The following SNTG1 variants were observed in gnomAD, a reference collection of about 807,000 sequenced individuals.
SNTG1 encodes the protein gamma-1-syntrophin.
SNTG1 carries 39 observed loss-of-function variants against 74.7 expected under a neutral mutation model. The ratio of observed to expected loss-of-function variants is 0.52; its 90% CI spans 0.40 to 0.68. SNTG1 has a LOEUF of 0.68. Among genes scored for constraint, SNTG1 ranks in the 30% least tolerant of loss-of-function variants. The pLI, the probability that SNTG1 is intolerant of heterozygous loss-of-function variation, is 0.00. For missense variants in SNTG1, 685 were observed against 609.5 expected, an observed-to-expected ratio of 1.12 and a Z score of -1.30; for synonymous variants, 254 against 217.1, an observed-to-expected ratio of 1.17 and a Z score of -1.49.
At chr8:50,421,693 T>A (rs2093089787) in intron 4 of SNTG1, among the ~76,000 whole-genome samples, 1 of 152,104 alleles carries the variant, frequency 6.6e-6, no homozygotes, top group Non-Finnish European at 1.5e-5. Context: ...ACACCAATAG[T>A]CAGTGTGAGG....
chr8:50,557,277 A>G (rs928460719), intron 12 of SNTG1, among the ~76,000 whole-genome samples: 3 of 151,976 alleles, frequency 2.0e-5, no homozygotes, highest in Non-Finnish European at 2.9e-5. Context: ...TGGACTCCTG[A>G]CATACAGAGA....
At chr8:50,441,166 G>A (rs73581402) in intron 5 of SNTG1, among the ~76,000 whole-genome samples, 4,232 of 152,172 alleles carry the variant, frequency 0.028, 187 homozygotes, top group African/African-American at 0.096. Flanking sequence ...ATATGTCTCA[G>A]CGGCTGTGGG....
At chr8:50,597,730 T>G (rs559750076) in intron 13 of SNTG1, among the ~76,000 whole-genome samples, 5 of 152,068 alleles carry the variant, frequency 3.3e-5, no homozygotes, top group African/African-American at 1.2e-4. Context: ...ATTTTTTTTG[T>G]CTTGTTTTTT....
At chr8:50,448,860 C>A (rs998740206) in intron 5 of SNTG1, among the ~76,000 whole-genome samples, 1 of 150,330 alleles carries the variant, frequency 6.7e-6, no homozygotes, top group African/African-American at 2.4e-5. Context: ...TGGTGAAACC[C>A]CGTCTCTACT....
intron 1 of SNTG1, among the ~76,000 whole-genome samples, chr8:49,945,596 G>T (rs554553877): frequency 6.6e-6 from 1 of 152,262 alleles, no homozygotes; most frequent in South Asian, 2.1e-4. Flanking sequence ...GCTGATCTAT[G>T]CAGGACTCAG....
At chr8:50,138,392 T>G (rs985417261) in intron 1 of SNTG1, among the ~76,000 whole-genome samples, 3 of 151,814 alleles carry the variant, frequency 2.0e-5, no homozygotes, top group African/African-American at 7.3e-5. Context: ...CCGAGGTGGG[T>G]GGGTCAACCG....
chr8:50,176,781 A>T (rs1231506887), intron 2 of SNTG1, among the ~76,000 whole-genome samples: 2 of 152,208 alleles, frequency 1.3e-5, no homozygotes, highest in Non-Finnish European at 2.9e-5. Flanking sequence ...GTTCATTTCA[A>T]AGACTCTCTT....
chr8:50,686,853 G>A lies in SNTG1; in HGVS notation c.1039-17747G>A, dbSNP rs913367986. 5.9e-5 allele frequency among the ~76,000 whole-genome samples: 9 copies of A among 152,040 alleles called. No homozygotes were observed. The East Asian group carries it at 1.7e-3, about 29-fold the overall frequency. ...ATGACCTGCACAAAATAAACATGAAGGGCCGGGCGCGGTGGCTCACGCCTG... is the reference window on the plus strand; with the variant it reads ...ATGACCTGCACAAAATAAACATGAAAGGCCGGGCGCGGTGGCTCACGCCTG... On this transcript the variant is annotated intron_variant, in intron 15 of 18. Coordinates refer to ENST00000642720, the MANE Select transcript of SNTG1 (RefSeq NM_018967.5).
intron 2 of SNTG1, among the ~76,000 whole-genome samples, chr8:50,234,230 G>A (rs1177106948): frequency 2.0e-5 from 3 of 151,898 alleles, no homozygotes; most frequent in Non-Finnish European, 4.4e-5. Flanking sequence ...AAAAAGGAAT[G>A]AACTAATGAT....
At position 50,327,965 on chromosome 8, in the gene SNTG1, C is replaced by G. The variant is rs138754081; in HGVS notation, c.-27-66247C>G. On this transcript the variant is annotated intron_variant, in intron 2 of 18. Coordinates refer to ENST00000642720, the MANE Select transcript of SNTG1 (RefSeq NM_018967.5). The stretch of plus-strand genomic sequence containing the variant: ...AACAAAATATTCCTAATTCCTCTAT[C>G]TCATTTCTTTTATCTTTGTTGTCAT... Among the ~76,000 whole-genome samples, 471 of 152,236 alleles carry G rather than the reference C, an allele frequency of 3.1e-3. 2 individuals are homozygous for G. Among genetic ancestry groups the G allele is most frequent in the African/African-American group, 0.011 (449 of 41,570 alleles).
chr8:50,579,564 C>G (rs2094596925), intron 12 of SNTG1, among the ~76,000 whole-genome samples: 1 of 148,494 alleles, frequency 6.7e-6, no homozygotes. Context: ...TGGTCCAGGC[C>G]CCCCTGCTAT....
At chr8:50,751,155 AAAGGTATGCTAAGAT>A (rs1166249012) in intron 17 of SNTG1, among the ~76,000 whole-genome samples, 1 of 152,008 alleles carries the variant, frequency 6.6e-6, no homozygotes. Context: ...TTAATGAGAT[AAAGGTATGCTAAGAT>A]AAGGTAAAAC....
At chr8:50,159,486 G>T (rs563570804) in intron 1 of SNTG1, among the ~76,000 whole-genome samples, 1 of 151,992 alleles carries the variant, frequency 6.6e-6, no homozygotes, top group Non-Finnish European at 1.5e-5. Context: ...TGTGTCCTCC[G>T]CTGTTCTTTG....
At chr8:50,368,962 G>A (rs762390773) in intron 2 of SNTG1, among the ~76,000 whole-genome samples, 4 of 152,038 alleles carry the variant, frequency 2.6e-5, no homozygotes, top group Non-Finnish European at 5.9e-5. Context: ...GGGGAATTTT[G>A]GCTCATGATG....
chr8:50,421,048 G>A (rs998347048), intron 4 of SNTG1, among the ~76,000 whole-genome samples: 1 of 104,872 alleles, frequency 9.5e-6, no homozygotes, highest in Admixed American at 9.5e-5. Context: ...GCGGTGGGCG[G>A]GGGAGGGGGG....
intron 8 of SNTG1, among the ~76,000 whole-genome samples, chr8:50,473,849 G>T (rs1488343331): frequency 6.6e-6 from 1 of 152,066 alleles, no homozygotes; most frequent in Non-Finnish European, 1.5e-5. Context: ...CACTTATATG[G>T]GGTACCTAGA....
At chr8:50,371,266 C>T (rs957311626) in intron 2 of SNTG1, among the ~76,000 whole-genome samples, 1 of 152,212 alleles carries the variant, frequency 6.6e-6, no homozygotes, top group Admixed American at 6.5e-5. Context: ...ATCTGACTCA[C>T]TAAGCCATAA....
chr8:49,974,948 C>T (rs550200062), intron 1 of SNTG1, among the ~76,000 whole-genome samples: 6 of 151,886 alleles, frequency 4.0e-5, no homozygotes, highest in Non-Finnish European at 7.4e-5. Flanking sequence ...ATTCCAATTG[C>T]GGAGTGAAAC....
chr8:50,087,076 A>T (rs1460464309), intron 1 of SNTG1, among the ~76,000 whole-genome samples: 1 of 152,168 alleles, frequency 6.6e-6, no homozygotes, highest in Non-Finnish European at 1.5e-5. Flanking sequence ...AGCTTGAGGT[A>T]TTACACCATT....
Sources: gnomAD v4.1 joint callset for allele counts (sites outside exome capture counted in the v4.1 genomes callset) on GRCh38, gnomAD v4.1.1 for gene constraint, MANE v1.5 for transcripts, NCBI Gene and HGNC (gene_info 2026-07-23, HGNC 2026-07-21) for gene names.